STK32B: variants seen among roughly 807,000 people sequenced by gnomAD.
STK32B encodes serine/threonine kinase 32B, also known as serine/threonine-protein kinase 32B.
STK32B carries 43 observed loss-of-function variants against 52.6 expected under a neutral mutation model. The observed-to-expected ratio is 0.82, with a 90% CI of 0.64 to 1.05. The LOEUF is 1.05. Among genes scored for constraint, STK32B ranks in the 50% least tolerant of loss-of-function variants. The probability of loss-of-function intolerance (pLI) is 0.00; values close to 1 mark genes in which losing one functional copy is unlikely to be tolerated. For missense variants in STK32B, 621 were observed against 534.6 expected (o/e 1.16, Z -1.59); for synonymous variants, 238 against 204.3 (o/e 1.17, Z -1.41).
In STK32B at chr4:5,371,787, A is replaced by G. The variant is rs150818528; in HGVS notation, c.435-26420A>G. ...TGTGAACAGCATTGACTGAGTTCCA[A>G]TGAAACTGTATTTCCAAAATCAAGA... On this transcript the variant is annotated intron_variant, in intron 4 of 11. Coordinates refer to ENST00000282908, the MANE Select transcript of STK32B (RefSeq NM_018401.3). Among the ~76,000 whole-genome samples the G allele has an allele frequency of 1.9e-4, 29 of 152,368 alleles. No homozygotes were observed. The East Asian group carries it at 5.2e-3, about 27-fold the overall frequency.
chr4:5,185,236 G>A (rs754843577), intron 3 of STK32B, among the ~76,000 whole-genome samples: 2 of 152,180 alleles, frequency 1.3e-5, no homozygotes, highest in African/African-American at 2.4e-5. Context: ...TAAAACCGGA[G>A]GAGGGAGGCA....
intron 3 of STK32B, among the ~76,000 whole-genome samples, chr4:5,281,215 A>G (rs1226513962): frequency 6.6e-6 from 1 of 152,178 alleles, no homozygotes; most frequent in Non-Finnish European, 1.5e-5. Context: ...ACATCCCACC[A>G]GGTCCCTCCC....
At chr4:5,259,811 A>G (rs1726578776) in intron 3 of STK32B, among the ~76,000 whole-genome samples, 2 of 152,118 alleles carry the variant, frequency 1.3e-5, no homozygotes, top group Non-Finnish European at 2.9e-5. Flanking sequence ...TTAATGCAAA[A>G]TAATAAGGGG....
intron 4 of STK32B, among the ~76,000 whole-genome samples, chr4:5,392,405 G>A (rs900167364): frequency 3.9e-5 from 6 of 152,150 alleles, no homozygotes; most frequent in African/African-American, 1.4e-4. Flanking sequence ...CAGCCTGGGT[G>A]ACAAAGCGAG....
intron 3 of STK32B, among the ~76,000 whole-genome samples, chr4:5,176,256 G>C (rs1232289231): frequency 6.6e-6 from 1 of 152,126 alleles, no homozygotes; most frequent in South Asian, 2.1e-4. Flanking sequence ...TCCCAGGTGA[G>C]GCGATGCCTC....
chr4:5,285,207 G>C (rs1489547301), intron 3 of STK32B, among the ~76,000 whole-genome samples: 2 of 152,146 alleles, frequency 1.3e-5, no homozygotes, highest in Non-Finnish European at 2.9e-5. Flanking sequence ...AAGGCTACCG[G>C]TCGACAGTAG....
upstream of STK32B, chr4:5,051,434 G>C (rs915849137): frequency 5.2e-6 from 1 of 192,034 alleles, no homozygotes; most frequent in Non-Finnish European, 1.0e-5. Context: ...CCGCCCTGCC[G>C]CCGCCCACTG....
At chr4:5,488,961 T>C (rs1039094749) in intron 11 of STK32B, among the ~76,000 whole-genome samples, 1 of 152,114 alleles carries the variant, frequency 6.6e-6, no homozygotes, top group Non-Finnish European at 1.5e-5. Context: ...ATATTTTATA[T>C]ACAGAATGTT....
At chr4:5,334,386 A>G (rs1349210121) in intron 4 of STK32B, among the ~76,000 whole-genome samples, 37 of 152,218 alleles carry the variant, frequency 2.4e-4, no homozygotes, top group South Asian at 8.3e-4. Context: ...GGCTGAGACA[A>G]TGGGGTTTTC....
intron 11 of STK32B, among the ~76,000 whole-genome samples, chr4:5,476,341 C>T (rs1718240344): frequency 6.6e-6 from 1 of 152,168 alleles, no homozygotes; most frequent in Admixed American, 6.5e-5. Context: ...TTCACTATCC[C>T]CCTTCTAATG....
At chr4:5,191,211 G>A (rs975334861) in intron 3 of STK32B, among the ~76,000 whole-genome samples, 1 of 151,806 alleles carries the variant, frequency 6.6e-6, no homozygotes, top group Admixed American at 6.6e-5. Context: ...GGCTAATGGG[G>A]TTGAGTTTGT....
At chr4:5,317,337 TA>T (rs1437768699) in intron 3 of STK32B, among the ~76,000 whole-genome samples, 1 of 58,640 alleles carries the variant, frequency 1.7e-5, no homozygotes, top group Non-Finnish European at 2.5e-5. Flanking sequence ...ATTACATATA[TA>T]ATACATATAT....
intron 4 of STK32B, among the ~76,000 whole-genome samples, chr4:5,362,906 T>C (rs188951213): frequency 6.6e-6 from 1 of 152,332 alleles, no homozygotes; most frequent in Non-Finnish European, 1.5e-5. Flanking sequence ...TCAACCTCCA[T>C]ACTGCCTGGG....
intron 4 of STK32B, among the ~76,000 whole-genome samples, chr4:5,344,907 C>T (rs779598670): frequency 6.6e-6 from 1 of 151,906 alleles, no homozygotes; most frequent in Non-Finnish European, 1.5e-5. Context: ...GGCAACATGG[C>T]AAAAACCCAT....
Position 5,290,033 on chromosome 4 carries a change from C to T in STK32B, c.261-41187C>T, listed in dbSNP as rs1358356945. 2.0e-5 allele frequency among the ~76,000 whole-genome samples: 3 copies of T among 152,064 alleles called. No individual in the cohort carries two copies. In the South Asian group the frequency reaches 6.2e-4, roughly 32 times the overall value. ...CTCCCAAACTCCACCGTCAAGTAACCCCCCGTGTCTGTTGTTCCCTTCTTT... is the reference window on the plus strand; with the variant it reads ...CTCCCAAACTCCACCGTCAAGTAACTCCCCGTGTCTGTTGTTCCCTTCTTT... On this transcript the variant is annotated intron_variant, in intron 3 of 11. Transcript: ENST00000282908.
chr4:5,271,835 G>C (rs1266315780), intron 3 of STK32B, among the ~76,000 whole-genome samples: 4 of 138,432 alleles, frequency 2.9e-5, no homozygotes, highest in Non-Finnish European at 4.4e-5. Context: ...GAATGCTTGT[G>C]ATTTTTGTAC....
At chr4:5,440,318 A>C (rs1156586567) in intron 6 of STK32B, among the ~76,000 whole-genome samples, 1 of 152,214 alleles carries the variant, frequency 6.6e-6, no homozygotes, top group Non-Finnish European at 1.5e-5. Context: ...GAGGTCCTAC[A>C]CATCCCTTGT....
chr4:5,028,849 T>G, the STK32B span, among the ~76,000 whole-genome samples: 1 of 152,180 alleles, frequency 6.6e-6, no homozygotes, highest in Admixed American at 6.5e-5. Flanking sequence ...GAAAAGAGGT[T>G]TAATTGGCTT....
intron 6 of STK32B, among the ~76,000 whole-genome samples, chr4:5,425,459 T>C (rs1713013858): frequency 1.5e-5 from 1 of 65,744 alleles, no homozygotes; most frequent in South Asian, 2.8e-4. Context: ...CTGAGAACCA[T>C]TCATTCATTC....
Sources: allele counts gnomAD v4.1 joint callset (sites outside exome capture counted in the v4.1 genomes callset), GRCh38; gene constraint gnomAD v4.1.1; transcripts MANE v1.5; gene names NCBI Gene and HGNC (gene_info 2026-07-23, HGNC 2026-07-21).